The following FOCAD variants were observed in gnomAD, a reference collection of about 807,000 sequenced individuals.
The protein encoded by FOCAD is KIAA1797.
FOCAD carries 198 observed loss-of-function variants against 225.6 expected under a neutral mutation model. That is an observed-to-expected ratio of 0.88 (90% confidence interval 0.78 to 0.99). The LOEUF (loss-of-function observed/expected upper bound fraction) is 0.99, where lower values mean the gene tolerates loss of function less well. Among genes scored for constraint, FOCAD ranks in the 50% least tolerant of loss-of-function variants. The pLI, the probability that FOCAD is intolerant of heterozygous loss-of-function variation, is 0.00. For missense variants in FOCAD, 2,713 were observed against 2,123.6 expected (o/e 1.28, Z -5.46); for synonymous variants, 897 against 755.0 (o/e 1.19, Z -3.08).
At chr9:20,838,002 G>A (rs1043840352) in intron 15 of FOCAD, among the ~76,000 whole-genome samples, 3 of 152,126 alleles carry the variant, frequency 2.0e-5, no homozygotes, top group East Asian at 1.9e-4. Context: ...AAGACAGCGA[G>A]ACTGGTAAGT....
intron 5 of FOCAD, among the ~76,000 whole-genome samples, chr9:20,743,359 A>G (rs1586991146): frequency 6.6e-6 from 1 of 152,254 alleles, no homozygotes; most frequent in Non-Finnish European, 1.5e-5. Flanking sequence ...CTGTGCCAGT[A>G]TTCAGCTGGG....
chr9:20,766,082 A>G (rs1830029207), intron 7 of FOCAD, among the ~76,000 whole-genome samples: 2 of 152,240 alleles, frequency 1.3e-5, no homozygotes, highest in South Asian at 2.1e-4. Flanking sequence ...TAGGCAGAAC[A>G]TCTTGAACTA....
chr9:20,804,077 C>T (rs1056296958), intron 11 of FOCAD, among the ~76,000 whole-genome samples: 2 of 151,988 alleles, frequency 1.3e-5, no homozygotes, highest in Admixed American at 6.5e-5. Flanking sequence ...GTAGAGATTG[C>T]CAGAAGGTGG....
At chr9:20,771,511 C>T (rs1381187606) in intron 8 of FOCAD, among the ~76,000 whole-genome samples, 1 of 152,112 alleles carries the variant, frequency 6.6e-6, no homozygotes, top group East Asian at 1.9e-4. Flanking sequence ...GTAATCCCAG[C>T]ACTTTGGGAG....
At chr9:20,907,759 C>A (rs1404622119) in intron 22 of FOCAD, among the ~76,000 whole-genome samples, 2 of 152,086 alleles carry the variant, frequency 1.3e-5, no homozygotes, top group African/African-American at 2.4e-5. Context: ...TCTTTACCCA[C>A]CTAATTTTAC....
intron 15 of FOCAD, among the ~76,000 whole-genome samples, chr9:20,841,025 A>G (rs897416495): frequency 2.6e-5 from 4 of 152,018 alleles, no homozygotes; most frequent in Admixed American, 6.6e-5. Context: ...ACGATATGTC[A>G]TATTGAATTG....
At chr9:20,983,204 C>T (rs75691818) in intron 39 of FOCAD, among the ~76,000 whole-genome samples, 2,179 of 152,244 alleles carry the variant, frequency 0.014, 64 homozygotes, top group African/African-American at 0.049. Context: ...ACTCTGCAGA[C>T]GGAGCCCAGG....
chr9:20,925,912 T>A (rs771418408), intron 25 of FOCAD, among the ~76,000 whole-genome samples: 5 of 152,216 alleles, frequency 3.3e-5, no homozygotes, highest in African/African-American at 4.8e-5. Context: ...GCCTCCTTTG[T>A]CAAATAAGAA....
intron 5 of FOCAD, among the ~76,000 whole-genome samples, chr9:20,752,963 CTGT>C (rs1828705238): frequency 6.7e-6 from 1 of 149,572 alleles, no homozygotes; most frequent in African/African-American, 2.4e-5. Flanking sequence ...CTCTGTTTGT[CTGT>C]TGTTGGTGTA....
intron 7 of FOCAD, among the ~76,000 whole-genome samples, chr9:20,768,976 G>A (rs1365581166): frequency 1.3e-5 from 2 of 151,830 alleles, no homozygotes; most frequent in African/African-American, 4.8e-5. Flanking sequence ...ACCTTTTTTT[G>A]TTATGGAAAA....
At chr9:20,702,314 G>T (rs923343626) in intron 1 of FOCAD, among the ~76,000 whole-genome samples, 3 of 152,072 alleles carry the variant, frequency 2.0e-5, no homozygotes, top group African/African-American at 7.2e-5. Flanking sequence ...ATGTTGCCTA[G>T]GTTGATTTCG....
chr9:20,767,499 T>A (rs1023076411), intron 7 of FOCAD, among the ~76,000 whole-genome samples: 1 of 151,626 alleles, frequency 6.6e-6, no homozygotes. Context: ...GTTTCCTGAC[T>A]TTTTAATGAT....
chr9:20,810,734 A>G (rs773013866), intron 11 of FOCAD, among the ~76,000 whole-genome samples: 20 of 152,076 alleles, frequency 1.3e-4, no homozygotes, highest in Non-Finnish European at 2.2e-4. Flanking sequence ...TCTGAGAGAT[A>G]ATAGTCAGAT....
At chr9:20,843,201 A>G (rs1184468903) in intron 15 of FOCAD, among the ~76,000 whole-genome samples, 2 of 152,014 alleles carry the variant, frequency 1.3e-5, no homozygotes, top group African/African-American at 4.8e-5. Flanking sequence ...TTAACAGTGA[A>G]TTTTGTGTCT....
intron 4 of FOCAD, among the ~76,000 whole-genome samples, chr9:20,730,301 C>T (rs1826579335): frequency 6.6e-6 from 1 of 151,952 alleles, no homozygotes; most frequent in African/African-American, 2.4e-5. Flanking sequence ...TCACTTATTA[C>T]CTGAAATACT....
chr9:20,656,428 C>A (rs1021316906), upstream of FOCAD, among the ~76,000 whole-genome samples: 3 of 152,092 alleles, frequency 2.0e-5, no homozygotes, highest in Non-Finnish European at 4.4e-5. Flanking sequence ...CTTTGTAGGT[C>A]ACTCAGGACT....
intron 35 of FOCAD, among the ~76,000 whole-genome samples, chr9:20,958,177 G>A (rs1838374813): frequency 6.6e-6 from 1 of 151,942 alleles, no homozygotes; most frequent in Non-Finnish European, 1.5e-5. Context: ...GTCACTTTAT[G>A]TAACAGTACT....
intron 11 of FOCAD, among the ~76,000 whole-genome samples, chr9:20,810,975 A>G (rs1823001633): frequency 6.6e-6 from 1 of 152,120 alleles, no homozygotes; most frequent in Non-Finnish European, 1.5e-5. Flanking sequence ...GCATCCTAGT[A>G]ACCTTTATTG....
intron 11 of FOCAD, among the ~76,000 whole-genome samples, chr9:20,793,049 C>T (rs879636255): frequency 1.2e-4 from 19 of 152,182 alleles, no homozygotes; most frequent in Admixed American, 5.2e-4. Flanking sequence ...TTACCGAATT[C>T]TATGAATTGC....
Sources: allele counts gnomAD v4.1 joint callset (sites outside exome capture counted in the v4.1 genomes callset), GRCh38; gene constraint gnomAD v4.1.1; transcripts MANE v1.5; gene names NCBI Gene and HGNC (gene_info 2026-07-23, HGNC 2026-07-21).